The following CYB5RL variants were observed in gnomAD, a reference collection of about 807,000 sequenced individuals.
CYB5RL encodes the protein NADH-cytochrome b5 reductase-like.
In CYB5RL, 38 loss-of-function variants were observed where a neutral mutation model predicts 37.5. That is an observed-to-expected ratio of 1.01 (90% CI 0.78 to 1.33). CYB5RL has a LOEUF of 1.33. Among genes scored for constraint, CYB5RL ranks in the 40% most tolerant of loss-of-function variants. The pLI is 0.00. For missense variants in CYB5RL, 388 were observed against 394.4 expected, an observed-to-expected ratio of 0.98 and a Z score of 0.14; for synonymous variants, 141 against 151.9, an observed-to-expected ratio of 0.93 and a Z score of 0.53.
chr1:54,179,470 G>T, intron 6 of CYB5RL, 118 bp from the exon 7 acceptor site: 4 of 1,009,986 alleles, frequency 4.0e-6, no homozygotes, highest in Non-Finnish European at 4.4e-6. Flanking sequence ...CTTCCTTGGT[G>T]TCCAACCACC....
In CYB5RL at chr1:54,190,786, G is replaced by A. The variant is rs1643943384; in HGVS notation, c.309C>T (p.Ser103=). Residue 103 remains serine, a synonymous_variant, in exon 4 of 8, where the codon AGC becomes AGT. Transcript: ENST00000534324. ...YRVRFALPGN[S]QLGLRPGQHL... is the part of the protein sequence containing the mutation. Reference sequence around the variant, plus strand: ...GCTGGCCGGGCCGCAGGCCAAGCTGGCTGTTCCCGGGTAGAGCAAACCGGA... The same window carrying A: ...GCTGGCCGGGCCGCAGGCCAAGCTGACTGTTCCCGGGTAGAGCAAACCGGA... 4 of 1,564,854 alleles carry A rather than the reference G, an allele frequency of 2.6e-6. No homozygotes were observed. Among genetic ancestry groups the A allele is most frequent in the Non-Finnish European group, 3.5e-6 (4 of 1,154,834 alleles).
intron 7 of CYB5RL, among the ~76,000 whole-genome samples, chr1:54,176,030 G>C (rs1173417928): frequency 6.6e-6 from 1 of 152,258 alleles, no homozygotes; most frequent in African/African-American, 2.4e-5. Flanking sequence ...ATGAAGGCAA[G>C]TTGCTAGTTC....
At chr1:54,193,683 G>A (rs1454908041) in intron 3 of CYB5RL, among the ~76,000 whole-genome samples, 2 of 151,944 alleles carry the variant, frequency 1.3e-5, no homozygotes, top group Non-Finnish European at 1.5e-5. Context: ...TTTATAAAAA[G>A]CAAAAATATG....
chr1:54,194,871 G>A (rs981795789), intron 3 of CYB5RL, among the ~76,000 whole-genome samples: 5 of 152,166 alleles, frequency 3.3e-5, no homozygotes, highest in African/African-American at 1.2e-4. Context: ...GAAGTCCAGT[G>A]TTCTGACATC....
Position 54,190,736 on chromosome 1 carries a change from A to G in CYB5RL, c.347+12T>C. 6.4e-7 allele frequency: 1 copy of G among 1,551,944 alleles called. No homozygotes were observed. The highest frequency in any genetic ancestry group is 8.7e-7 in the Non-Finnish European group (1 of 1,147,150). On this transcript the variant is annotated intron_variant, in intron 4 of 7. Transcript: ENST00000534324. ...GCTGTGAAGCTTTGGTCCTCCCGCT[A>G]CCTGAGTGTACCGTAGGATGAGGTG...
intron 1 of CYB5RL, among the ~76,000 whole-genome samples, chr1:54,199,325 C>T (rs563153983): frequency 6.6e-6 from 1 of 152,288 alleles, no homozygotes; most frequent in East Asian, 1.9e-4. Context: ...GAGCTCATAT[C>T]TTAGGGTGAG....
chr1:54,186,345 T>C (rs1030065545), intron 5 of CYB5RL: 4 of 151,970 alleles, frequency 2.6e-5, no homozygotes, highest in African/African-American at 4.8e-5. Flanking sequence ...TGAAATGAGA[T>C]AATTAGAATA....
At chr1:54,186,141 CCA>C (rs1183211223) in intron 5 of CYB5RL, 1 of 152,458 alleles carries the variant, frequency 6.6e-6, no homozygotes, top group Non-Finnish European at 1.5e-5. Flanking sequence ...TAATACATAC[CCA>C]CACAGAGCCT....
At chr1:54,190,682 G>A in intron 4 of CYB5RL, 66 bp downstream of exon 4, 1 of 1,545,332 alleles carries the variant, frequency 6.5e-7, no homozygotes, top group Non-Finnish European at 8.7e-7. Flanking sequence ...AGTTGGTCAA[G>A]GCCAGCAGCT....
rs145483229 is a variant in CYB5RL at position 54,185,978 on chromosome 1, C to A, written c.435+1674G>T. ...AGAAGAGTTTCCCCGCACAAGCTCTCTTCTTGTCTGCCGCCATGTGAGATA... is the reference window on the plus strand; with the variant it reads ...AGAAGAGTTTCCCCGCACAAGCTCTATTCTTGTCTGCCGCCATGTGAGATA... On this transcript the variant is annotated intron_variant, in intron 5 of 7. Transcript: ENST00000534324. 9.3e-3 allele frequency: 1,545 copies of A among 165,252 alleles called. 45 individuals carry two copies. Among genetic ancestry groups the A allele is most frequent in the South Asian group, 0.081 (428 of 5,268 alleles). 10.2% of individuals were successfully genotyped at this position (165,252 alleles called of 1,614,324 possible). A position where few individuals can be genotyped will look rare whatever the true frequency, so the allele number is the denominator to read the frequency against.
rs1022361635 is a variant in CYB5RL at position 54,191,040 on chromosome 1, TC to T, written c.199-145del. 4.3e-6 allele frequency: 5 copies of T among 1,160,960 alleles called. No individual in the cohort carries two copies. In the African/African-American group the frequency reaches 7.8e-5, roughly 18 times the overall value. The allele number at this position is 1,160,960 out of a possible 1,614,324, so 71.9% of individuals were successfully genotyped here. ...AACTGGACACTAGCCTCACCTTACT[TC>T]CCTTTCAAAATTGGATCTAAGAATG... On this transcript the variant is annotated intron_variant, in intron 3 of 7. Coordinates refer to ENST00000534324, the MANE Select transcript of CYB5RL (RefSeq NM_001031672.4).
chr1:54,175,426 C>T (rs375466410), intron 7 of CYB5RL: 90 of 284,020 alleles, frequency 3.2e-4, no homozygotes, highest in African/African-American at 1.8e-3. Context: ...CAAGGCTGGA[C>T]GGTGACCCCA....
At chr1:54,182,661 T>C (rs1660195996) in intron 6 of CYB5RL, among the ~76,000 whole-genome samples, 2 of 152,196 alleles carry the variant, frequency 1.3e-5, no homozygotes, top group Admixed American at 1.3e-4. Context: ...ATGATTCTCA[T>C]GCCTCGGCCT....
At position 54,169,898 on chromosome 1, in the gene CYB5RL, T is replaced by C. The variant is rs1217095265; in HGVS notation, c.*4721A>G. The C allele has an allele frequency of 6.6e-6, 1 of 152,228 alleles. No individual in the cohort carries two copies. The highest frequency in any genetic ancestry group is 1.9e-4 in the East Asian group (1 of 5,196). The allele number at this position is 152,228 out of a possible 1,614,324, so 9.4% of individuals were successfully genotyped here. A position where few individuals can be genotyped will look rare whatever the true frequency, so the allele number is the denominator to read the frequency against. Reference sequence around the variant, plus strand: ...CTTGAAGCTGGTGTGTCTCTGTCTCTTCCTGAGCATTTAGCATTATTTTGG... The same window carrying C: ...CTTGAAGCTGGTGTGTCTCTGTCTCCTCCTGAGCATTTAGCATTATTTTGG... On this transcript the variant is annotated 3_prime_UTR_variant, in exon 8 of 8. Transcript: ENST00000534324.
At chr1:54,197,516 T>G (rs1031627906) in intron 1 of CYB5RL, among the ~76,000 whole-genome samples, 3 of 151,848 alleles carry the variant, frequency 2.0e-5, no homozygotes, top group Non-Finnish European at 4.4e-5. Flanking sequence ...TAGAGACAGG[T>G]CCTCCTGTGG....
intron 3 of CYB5RL, 102 bp from the exon 4 acceptor site, chr1:54,190,998 T>C: frequency 6.9e-7 from 1 of 1,456,452 alleles, no homozygotes; most frequent in Non-Finnish European, 9.1e-7. Flanking sequence ...CTGTCTTGGC[T>C]CGGGAAGTTT....
chr1:54,180,831 T>TGTTACCAGGCA (rs1660142975), intron 6 of CYB5RL, among the ~76,000 whole-genome samples: 2 of 152,188 alleles, frequency 1.3e-5, no homozygotes, highest in Middle Eastern at 3.4e-3. Context: ...ATCTCAGAAC[T>TGTTACCAGGCA]GTTACCAGGA....
chr1:54,188,376 T>C (rs1412693848), intron 4 of CYB5RL, among the ~76,000 whole-genome samples: 1 of 152,194 alleles, frequency 6.6e-6, no homozygotes, highest in African/African-American at 2.4e-5. Context: ...CTGTCATTTT[T>C]CCTGACCTCT....
intron 6 of CYB5RL, among the ~76,000 whole-genome samples, chr1:54,183,835 T>C (rs547451472): frequency 1.8e-4 from 27 of 151,898 alleles, no homozygotes; most frequent in African/African-American, 5.6e-4. Flanking sequence ...ATTAGCCGGG[T>C]GTGGTGGCAC....
Sources: gnomAD v4.1 joint callset for allele counts (sites outside exome capture counted in the v4.1 genomes callset) on GRCh38, gnomAD v4.1.1 for gene constraint, MANE v1.5 for transcripts, NCBI Gene and HGNC (gene_info 2026-07-23, HGNC 2026-07-21) for gene names.